The following RBFOX1 variants were observed in gnomAD, a reference collection of about 807,000 sequenced individuals.
RBFOX1 encodes the protein RNA binding protein fox-1 homolog 1.
RBFOX1 carries 8 observed loss-of-function variants against 57.7 expected under a neutral mutation model. The observed-to-expected ratio is 0.14, with a 90% CI of 0.08 to 0.25. The LOEUF (loss-of-function observed/expected upper bound fraction) is 0.25, where lower values mean the gene tolerates loss of function less well. RBFOX1 is among the 10% of genes least tolerant of loss of function. The pLI, the probability that RBFOX1 is intolerant of heterozygous loss-of-function variation, is 1.00. For synonymous variants in RBFOX1, 326 were observed against 222.4 expected (o/e 1.47, Z -4.15); for missense variants, 611 against 548.5 (o/e 1.11, Z -1.14).
chr16:6,140,233 C>A (rs970152479), intron 1 of RBFOX1, among the ~76,000 whole-genome samples: 18 of 151,422 alleles, frequency 1.2e-4, no homozygotes, highest in African/African-American at 3.6e-4. Flanking sequence ...TGCTTCTCAC[C>A]CAGGCTGGAG....
intron 2 of RBFOX1, among the ~76,000 whole-genome samples, chr16:6,512,384 CA>C (rs1295200867): frequency 6.6e-6 from 1 of 150,932 alleles, no homozygotes; most frequent in African/African-American, 2.4e-5. Flanking sequence ...CAAGAGTGCT[CA>C]AAATTCAAGC....
chr16:5,341,883 C>G (rs1180831543), intron 1 of RBFOX1, among the ~76,000 whole-genome samples: 1 of 152,134 alleles, frequency 6.6e-6, no homozygotes, highest in Middle Eastern at 3.2e-3. Context: ...GTGTAAGTCA[C>G]CTGGTGGAGT....
chr16:6,930,532 C>T (rs554019999), intron 3 of RBFOX1, among the ~76,000 whole-genome samples: 1 of 152,066 alleles, frequency 6.6e-6, no homozygotes, highest in Non-Finnish European at 1.5e-5. Flanking sequence ...GCCTCAGCCT[C>T]CCAAGCAGTT....
At chr16:5,407,571 T>A (rs2066900724) in intron 1 of RBFOX1, among the ~76,000 whole-genome samples, 1 of 151,926 alleles carries the variant, frequency 6.6e-6, no homozygotes, top group South Asian at 2.1e-4. Flanking sequence ...CTTTTTGTTT[T>A]TTTGTCTCAC....
chr16:7,458,338 G>C (rs571951527), intron 4 of RBFOX1, among the ~76,000 whole-genome samples: 2 of 152,138 alleles, frequency 1.3e-5, no homozygotes, highest in Admixed American at 1.3e-4. Flanking sequence ...CCCTGGGCCA[G>C]TCCACTTTGT....
intron 4 of RBFOX1, among the ~76,000 whole-genome samples, chr16:7,446,514 A>G (rs558792305): frequency 6.6e-6 from 1 of 152,310 alleles, no homozygotes; most frequent in South Asian, 2.1e-4. Context: ...GGAAGAAGCA[A>G]GAAGGTTGGG....
At chr16:6,518,055 T>C (rs140525582) in intron 2 of RBFOX1, among the ~76,000 whole-genome samples, 66 of 152,316 alleles carry the variant, frequency 4.3e-4, no homozygotes, top group Non-Finnish European at 6.6e-4. Flanking sequence ...GTTGAACTAA[T>C]TCAAGTTGGA....
Position 7,587,266 on chromosome 16 carries a change from A to G in RBFOX1, c.434A>G (p.Asp145Gly). Residue 145 changes from aspartate (D) to glycine (G), a missense_variant, in exon 7 of 16, where the codon GAT becomes GGT. Physicochemically the swap from Asp to Gly is moderately conservative, Grantham distance 94 (BLOSUM62 -1). Around this residue, in one of 3 missense-constraint regions of RBFOX1, gnomAD observed 99 missense variants for 160.3 expected, o/e 0.62. Coordinates refer to ENST00000550418, the MANE Select transcript of RBFOX1 (RefSeq NM_018723.4). ...QMFGQFGKIL[D>G]VEIIFNERGS... ...TTGCAGCAATTTGGTAAAATCTTAG[A>G]TGTTGAAATTATTTTTAATGAGCGA... The G allele has an allele frequency of 6.4e-7, 1 of 1,569,488 alleles. No homozygotes were observed. The highest frequency in any genetic ancestry group is 8.6e-7 in the Non-Finnish European group (1 of 1,159,406).
At chr16:7,213,888 A>T (rs545146914) in intron 4 of RBFOX1, among the ~76,000 whole-genome samples, 10 of 152,266 alleles carry the variant, frequency 6.6e-5, no homozygotes, top group African/African-American at 2.2e-4. Context: ...AGACAGCTAG[A>T]GGGCTTTGCC....
intron 3 of RBFOX1, among the ~76,000 whole-genome samples, chr16:5,710,394 A>G (rs1376054155): frequency 6.6e-6 from 1 of 152,100 alleles, no homozygotes; most frequent in Non-Finnish European, 1.5e-5. Flanking sequence ...GGGTCTCTTC[A>G]TTTGCTGCTT....
chr16:5,321,542 G>C (rs1054891549), intron 1 of RBFOX1, among the ~76,000 whole-genome samples: 1 of 152,072 alleles, frequency 6.6e-6, no homozygotes, highest in Admixed American at 6.5e-5. Context: ...GGATGGTCTC[G>C]ATCTCCTGAC....
At chr16:6,764,114 C>G (rs903903602) in intron 3 of RBFOX1, among the ~76,000 whole-genome samples, 1 of 152,172 alleles carries the variant, frequency 6.6e-6, no homozygotes, top group African/African-American at 2.4e-5. Flanking sequence ...TCTGTGCCTC[C>G]CAGTCTTTGC....
intron 4 of RBFOX1, among the ~76,000 whole-genome samples, chr16:7,230,240 A>G (rs2093421123): frequency 6.6e-6 from 1 of 152,044 alleles, no homozygotes; most frequent in African/African-American, 2.4e-5. Context: ...GGAAATGATG[A>G]CTAGTAAAAA....
intron 3 of RBFOX1, among the ~76,000 whole-genome samples, chr16:6,713,520 C>G (rs935785274): frequency 6.6e-6 from 1 of 152,038 alleles, no homozygotes; most frequent in Non-Finnish European, 1.5e-5. Context: ...CCTCTACCCA[C>G]TAGATGCAAG....
chr16:6,626,064 C>G (rs1183412122), intron 2 of RBFOX1, among the ~76,000 whole-genome samples: 1 of 151,874 alleles, frequency 6.6e-6, no homozygotes, highest in Non-Finnish European at 1.5e-5. Flanking sequence ...TATAGTGTTG[C>G]CTGCCTCTGA....
At chr16:7,217,658 T>C (rs1166095366) in intron 4 of RBFOX1, among the ~76,000 whole-genome samples, 2 of 152,202 alleles carry the variant, frequency 1.3e-5, no homozygotes, top group Non-Finnish European at 2.9e-5. Context: ...TCAGTGTTTA[T>C]TTGTTTTTAA....
At chr16:6,483,755 G>GCCGT in intron 2 of RBFOX1, 1 of 1,420,910 alleles carries the variant, frequency 7.0e-7, no homozygotes, top group Non-Finnish European at 9.2e-7. Flanking sequence ...CAGAGGAGCA[G>GCCGT]CCGTCAGCCG....
chr16:6,980,086 T>TA (rs1264791036), intron 3 of RBFOX1, among the ~76,000 whole-genome samples: 1 of 152,136 alleles, frequency 6.6e-6, no homozygotes, highest in Admixed American at 6.5e-5. Context: ...ACCCTGGTGT[T>TA]AGAGTGTAGT....
chr16:5,749,648 T>G (rs997109094), intron 3 of RBFOX1, among the ~76,000 whole-genome samples: 3 of 152,252 alleles, frequency 2.0e-5, no homozygotes, highest in Non-Finnish European at 2.9e-5. Context: ...TTTCTTCCAG[T>G]TGATCGAATC....
Sources: allele counts gnomAD v4.1 joint callset (sites outside exome capture counted in the v4.1 genomes callset), GRCh38; gene constraint gnomAD v4.1.1; regional missense constraint gnomAD v4.1.1; transcripts MANE v1.5; gene names NCBI Gene and HGNC (gene_info 2026-07-23, HGNC 2026-07-21).